The following EPHA7 variants were observed in gnomAD, a reference collection of about 807,000 sequenced individuals.
EPHA7 encodes ephrin type-A receptor 7.
In EPHA7, 25 loss-of-function variants were observed where a neutral mutation model predicts 112.6. The ratio of observed to expected loss-of-function variants is 0.22; its 90% CI spans 0.16 to 0.31. The LOEUF is 0.31. Ranked by LOEUF, EPHA7 falls within the 10% of genes least tolerant of loss-of-function variation. The pLI is 1.00. For missense variants in EPHA7, 962 were observed against 1,212.6 expected (o/e 0.79, Z 3.07); for synonymous variants, 437 against 406.5 (o/e 1.07, Z -0.90).
chr6:93,270,242 A>C (rs1465353914), intron 6 of EPHA7, among the ~76,000 whole-genome samples: 1 of 151,544 alleles, frequency 6.6e-6, no homozygotes, highest in Non-Finnish European at 1.5e-5. Flanking sequence ...TAAAGTTTAA[A>C]TATATATGAT....
At chr6:93,414,914 C>T (rs1434815834) in intron 1 of EPHA7, 147 bp from the exon 2 acceptor site, 2 of 618,154 alleles carry the variant, frequency 3.2e-6, no homozygotes, top group East Asian at 2.8e-5. Context: ...AAATGAACAC[C>T]CTCCTGATAC....
At chr6:93,411,943 T>C (rs1416663314) in intron 2 of EPHA7, among the ~76,000 whole-genome samples, 1 of 152,110 alleles carries the variant, frequency 6.6e-6, no homozygotes, top group Admixed American at 6.6e-5. Flanking sequence ...TCCATTTATA[T>C]GTTGATATAA....
intron 5 of EPHA7, among the ~76,000 whole-genome samples, chr6:93,314,796 T>A (rs1773712548): frequency 6.6e-6 from 1 of 151,716 alleles, no homozygotes; most frequent in African/African-American, 2.4e-5. Context: ...AAATGTTAAG[T>A]CACTATGATA....
At chr6:93,413,344 T>C (rs531966799) in intron 2 of EPHA7, among the ~76,000 whole-genome samples, 3 of 152,048 alleles carry the variant, frequency 2.0e-5, no homozygotes, top group Middle Eastern at 3.4e-3. Context: ...AAGATAACAT[T>C]GACAGTCATA....
chr6:93,383,116 A>C lies in EPHA7; in HGVS notation c.833-24705T>G, dbSNP rs1460486453. The stretch of plus-strand genomic sequence containing the variant: ...AATATTCTAAATAATTCAAACATAA[A>C]CTCTCATGCTACCCAATAATTAACA... On this transcript the variant is annotated intron_variant, in intron 3 of 16. Transcript: ENST00000369303. Among the ~76,000 whole-genome samples the C allele has an allele frequency of 2.0e-5, 3 of 151,600 alleles. No homozygotes were observed. In the East Asian group the frequency reaches 5.8e-4, roughly 29 times the overall value.
intron 2 of EPHA7, 47 bp downstream of exon 2, chr6:93,414,656 T>C (rs779661868): frequency 1.7e-5 from 24 of 1,447,600 alleles, no homozygotes; most frequent in Middle Eastern, 1.7e-4. Context: ...GGAAACGTTT[T>C]GTTTCTTATT....
chr6:93,303,388 G>A (rs390464), intron 5 of EPHA7, among the ~76,000 whole-genome samples: 12,571 of 152,014 alleles, frequency 0.083, 759 homozygotes, highest in African/African-American at 0.17. Context: ...AGTCTAAGAA[G>A]CTTACATTCT....
chr6:93,344,747 T>G (rs1158683927), intron 5 of EPHA7, among the ~76,000 whole-genome samples: 1 of 151,580 alleles, frequency 6.6e-6, no homozygotes, highest in Non-Finnish European at 1.5e-5. Context: ...ATTCTATGAT[T>G]AACTTAATGA....
chr6:93,301,033 G>T (rs1004172006), intron 5 of EPHA7, among the ~76,000 whole-genome samples: 3 of 152,076 alleles, frequency 2.0e-5, no homozygotes, highest in Non-Finnish European at 4.4e-5. Context: ...AAAAGGCAGA[G>T]TAAACATATG....
At chr6:93,285,252 C>G (rs1201502230) in intron 5 of EPHA7, among the ~76,000 whole-genome samples, 3 of 152,116 alleles carry the variant, frequency 2.0e-5, no homozygotes, top group Non-Finnish European at 4.4e-5. Context: ...CATTAATTTA[C>G]TATATAATAT....
chr6:93,259,248 C>A, intron 10 of EPHA7, 106 bp downstream of exon 10: 1 of 1,426,270 alleles, frequency 7.0e-7, no homozygotes. Context: ...CAGGTAAATG[C>A]AAAAGTTCTA....
chr6:93,353,096 TA>T (rs1248798980), intron 5 of EPHA7, among the ~76,000 whole-genome samples: 1 of 152,052 alleles, frequency 6.6e-6, no homozygotes, highest in South Asian at 2.1e-4. Flanking sequence ...CATAAAAGGT[TA>T]AAAAAGGCAT....
intron 9 of EPHA7, among the ~76,000 whole-genome samples, chr6:93,262,128 T>C (rs1018322548): frequency 1.3e-5 from 2 of 151,574 alleles, no homozygotes; most frequent in African/African-American, 4.8e-5. Flanking sequence ...TACTCTTCTA[T>C]ATACATTCTA....
At chr6:93,244,099 T>C (rs1769832624) in intron 16 of EPHA7, among the ~76,000 whole-genome samples, 2 of 152,188 alleles carry the variant, frequency 1.3e-5, no homozygotes, top group East Asian at 3.9e-4. Context: ...TCTTTTAAAA[T>C]GTACATCTAA....
At chr6:93,392,336 CT>C (rs1193634724) in intron 3 of EPHA7, among the ~76,000 whole-genome samples, 1 of 151,850 alleles carries the variant, frequency 6.6e-6, no homozygotes, top group Non-Finnish European at 1.5e-5. Context: ...GGATGGTTAC[CT>C]TTTCAGTTGT....
At position 93,374,190 on chromosome 6, in the gene EPHA7, A is replaced by G. The variant is rs144431891; in HGVS notation, c.833-15779T>C. Among the ~76,000 whole-genome samples, 503 of 152,278 alleles carry G rather than the reference A, an allele frequency of 3.3e-3. 8 individuals are homozygous for G. The highest frequency in any genetic ancestry group is 0.012 in the African/African-American group (491 of 41,570). The stretch of plus-strand genomic sequence containing the variant: ...CTCCCTGAAGAGAGTCATTACAGGT[A>G]TATTTGCTAAATTTCTAAAACACGT... On this transcript the variant is annotated intron_variant, in intron 3 of 16. Transcript: ENST00000369303.
Position 93,241,917 on chromosome 6 carries a change from T to C in EPHA7, c.*1509A>G, listed in dbSNP as rs939338307. ...GTTTGTTTGTTTGTGGATGCCCACA[T>C]TATCAAACAAGACCAATTATGACCG... On this transcript the variant is annotated 3_prime_UTR_variant, in exon 17 of 17. Coordinates refer to ENST00000369303, the MANE Select transcript of EPHA7 (RefSeq NM_004440.4). 39 of 217,670 alleles carry C rather than the reference T, an allele frequency of 1.8e-4. 1 individual carries two copies. The Admixed American group carries it at 2.2e-3, about 12-fold the overall frequency. The allele number at this position is 217,670 out of a possible 1,614,324, so 13.5% of individuals were successfully genotyped here. A position where few individuals can be genotyped will look rare whatever the true frequency, so the allele number is the denominator to read the frequency against.
chr6:93,265,791 T>C (rs1276894559), intron 7 of EPHA7, among the ~76,000 whole-genome samples: 1 of 151,724 alleles, frequency 6.6e-6, no homozygotes, highest in Non-Finnish European at 1.5e-5. Context: ...TTCCTTCTTG[T>C]TGATGGCAAG....
intron 3 of EPHA7, among the ~76,000 whole-genome samples, chr6:93,382,589 T>A (rs1777391650): frequency 1.3e-5 from 2 of 152,112 alleles, no homozygotes; most frequent in Admixed American, 6.6e-5. Context: ...CTTTGTCATT[T>A]CTCTTCTTTC....
Sources: gnomAD v4.1 joint callset for allele counts (sites outside exome capture counted in the v4.1 genomes callset) on GRCh38, gnomAD v4.1.1 for gene constraint, MANE v1.5 for transcripts, NCBI Gene and HGNC (gene_info 2026-07-23, HGNC 2026-07-21) for gene names.